Variants in ZBTB20 observed in about 807,000 individuals in gnomAD.
The protein encoded by ZBTB20 is zinc finger and BTB domain-containing protein 20.
In ZBTB20, 9 loss-of-function variants were observed where a neutral mutation model predicts 56.9. The ratio of observed to expected loss-of-function variants is 0.16; its 90% CI spans 0.10 to 0.28. ZBTB20 has a LOEUF of 0.28. ZBTB20 is among the 10% of genes least tolerant of loss of function. The pLI, the probability that ZBTB20 is intolerant of heterozygous loss-of-function variation, is 1.00. For missense variants in ZBTB20, 655 were observed against 1,003.0 expected (o/e 0.65, Z 4.69); for synonymous variants, 417 against 420.7 (o/e 0.99, Z 0.11).
At position 114,380,234 on chromosome 3, in the gene ZBTB20, T is replaced by A. The variant is rs766759607; in HGVS notation, c.182A>T (p.His61Leu). 5 of 1,536,696 alleles carry A rather than the reference T, an allele frequency of 3.3e-6. No individual in the cohort carries two copies. The highest frequency in any genetic ancestry group is 4.4e-6 in the Non-Finnish European group (5 of 1,146,656). The stretch of plus-strand genomic sequence containing the variant: ...GTACTCACAATCAGATGACCCGGTG[T>A]GAGCGTGAGAGTTTGTCAGTGAATG... ...STHSLTNSHA[H>L]TGSSDCDISC... Residue 61 changes from histidine (H) to leucine (L), a missense_variant, in exon 10 of 12, where the codon CAC becomes CTC. By Grantham distance (99) the His-to-Leu change is moderately conservative (BLOSUM62 -3). Around this residue, in one of 10 missense-constraint regions of ZBTB20, gnomAD observed 79 missense variants for 78.4 expected, o/e 1.01. Coordinates refer to ENST00000675478, the MANE Select transcript of ZBTB20 (RefSeq NM_001348800.3).
chr3:114,503,301 T>C (rs575966403), intron 6 of ZBTB20, among the ~76,000 whole-genome samples: 2 of 152,318 alleles, frequency 1.3e-5, no homozygotes, highest in South Asian at 4.1e-4. Context: ...GTTGTACTTA[T>C]ATGTTAATAT....
rs1436627371 is a variant in ZBTB20 at position 114,336,723 on chromosome 3, C to T, written c.*2282G>A. Reference sequence around the variant, plus strand: ...TTGGAAGATTTTCCCTCGTTTGCTGCACAGTTTTTGTAAATAAAATGCTGA... The same window carrying T: ...TTGGAAGATTTTCCCTCGTTTGCTGTACAGTTTTTGTAAATAAAATGCTGA... On this transcript the variant is annotated 3_prime_UTR_variant, in exon 12 of 12. Transcript: ENST00000675478. The T allele has an allele frequency of 6.6e-6, 1 of 152,256 alleles. No homozygotes were observed. The highest frequency in any genetic ancestry group is 1.9e-4 in the East Asian group (1 of 5,188). The allele number at this position is 152,256 out of a possible 1,614,324, so 9.4% of individuals were successfully genotyped here.
chr3:114,741,206 T>C (rs1055431057), intron 5 of ZBTB20, among the ~76,000 whole-genome samples: 10 of 152,152 alleles, frequency 6.6e-5, no homozygotes, highest in Admixed American at 6.5e-5. Context: ...CAGTGTAAGA[T>C]CCACAAACTT....
chr3:114,840,368 G>T (rs1441519013), intron 4 of ZBTB20, among the ~76,000 whole-genome samples: 2 of 152,128 alleles, frequency 1.3e-5, no homozygotes, highest in Non-Finnish European at 2.9e-5. Flanking sequence ...AGAACATATG[G>T]GATTGATTAA....
chr3:114,863,726 T>C (rs945011324), intron 4 of ZBTB20, among the ~76,000 whole-genome samples: 2 of 152,142 alleles, frequency 1.3e-5, no homozygotes, highest in Admixed American at 6.5e-5. Flanking sequence ...TTCTGTTACT[T>C]GAAGGCAATA....
intron 1 of ZBTB20, among the ~76,000 whole-genome samples, chr3:115,089,667 T>C (rs1339236370): frequency 6.6e-6 from 1 of 151,822 alleles, no homozygotes; most frequent in Non-Finnish European, 1.5e-5. Context: ...CTTTGACTCT[T>C]AGCAGCTGTG....
At chr3:114,414,724 T>C (rs956141779) in intron 7 of ZBTB20, among the ~76,000 whole-genome samples, 2 of 147,728 alleles carry the variant, frequency 1.4e-5, no homozygotes, top group Non-Finnish European at 3.0e-5. Flanking sequence ...TTATATAAAA[T>C]ATATAAAATA....
chr3:114,967,751 G>A (rs1024209677), intron 3 of ZBTB20, among the ~76,000 whole-genome samples: 5 of 152,138 alleles, frequency 3.3e-5, no homozygotes, highest in Admixed American at 6.5e-5. Context: ...GAGGTCAGGA[G>A]TTCAAGACCA....
chr3:115,052,563 C>T (rs943437577), intron 2 of ZBTB20, among the ~76,000 whole-genome samples: 11 of 152,018 alleles, frequency 7.2e-5, no homozygotes, highest in South Asian at 4.2e-4. Flanking sequence ...AATGGAAATT[C>T]GTCATCTTTC....
intron 5 of ZBTB20, among the ~76,000 whole-genome samples, chr3:114,752,160 T>C (rs1280616760): frequency 6.6e-6 from 1 of 152,124 alleles, no homozygotes; most frequent in Non-Finnish European, 1.5e-5. Context: ...GAAAAGCACA[T>C]TGAGATATAG....
At chr3:114,366,020 T>G (rs114298191) in intron 10 of ZBTB20, among the ~76,000 whole-genome samples, 2,313 of 152,298 alleles carry the variant, frequency 0.015, 28 homozygotes, top group South Asian at 0.067. Flanking sequence ...AGCTTCATTC[T>G]CCCCACAACA....
At chr3:114,846,807 A>T (rs1262001261) in intron 4 of ZBTB20, among the ~76,000 whole-genome samples, 1 of 152,236 alleles carries the variant, frequency 6.6e-6, no homozygotes, top group African/African-American at 2.4e-5. Context: ...CTTAAAAGAT[A>T]ATAAGAAGAT....
chr3:115,131,370 A>G (rs1021966707), intron 1 of ZBTB20, among the ~76,000 whole-genome samples: 2 of 152,128 alleles, frequency 1.3e-5, no homozygotes, highest in Non-Finnish European at 2.9e-5. Flanking sequence ...TATTATACAC[A>G]CTTTTCTATA....
intron 6 of ZBTB20, among the ~76,000 whole-genome samples, chr3:114,549,843 TTGAGCAACTGGCCC>T (rs778413936): frequency 3.3e-4 from 50 of 152,046 alleles, no homozygotes; most frequent in Non-Finnish European, 2.1e-4. Context: ...TTTTACTTGC[TTGAGCAACTGGCCC>T]CAACTAACTG....
chr3:114,520,275 A>G (rs1163915097), intron 6 of ZBTB20: 2 of 152,168 alleles, frequency 1.3e-5, no homozygotes, highest in East Asian at 3.8e-4. Context: ...CCACACAAAA[A>G]TCAGACAAAA....
chr3:114,751,369 T>C (rs187651876), intron 5 of ZBTB20, among the ~76,000 whole-genome samples: 13 of 152,272 alleles, frequency 8.5e-5, no homozygotes, highest in Admixed American at 2.0e-4. Flanking sequence ...TCCATGAGCA[T>C]ATAATTTGTG....
chr3:115,009,229 G>C (rs1410140632), intron 2 of ZBTB20, among the ~76,000 whole-genome samples: 3 of 151,668 alleles, frequency 2.0e-5, no homozygotes, highest in Non-Finnish European at 4.4e-5. Context: ...TCATTTGAAT[G>C]TACAATCACT....
intron 8 of ZBTB20, among the ~76,000 whole-genome samples, chr3:114,381,815 C>A (rs920611507): frequency 1.3e-5 from 2 of 152,166 alleles, no homozygotes; most frequent in African/African-American, 4.8e-5. Flanking sequence ...GGGCAGGAGG[C>A]AGAGATGGCA....
intron 5 of ZBTB20, among the ~76,000 whole-genome samples, chr3:114,769,552 CATATATATATATATATATATAT>C (rs6148023): frequency 7.7e-4 from 90 of 116,726 alleles, no homozygotes; most frequent in African/African-American, 3.4e-3. Flanking sequence ...TGCCAAAATG[CATATATATATATATATATATAT>C]ATATATATAT....
Sources: allele counts gnomAD v4.1 joint callset (sites outside exome capture counted in the v4.1 genomes callset), GRCh38; gene constraint gnomAD v4.1.1; regional missense constraint gnomAD v4.1.1; transcripts MANE v1.5; gene names NCBI Gene and HGNC (gene_info 2026-07-23, HGNC 2026-07-21).